TULP3: variants seen among roughly 807,000 people sequenced by gnomAD.
TULP3 encodes TUB like protein 3.
A neutral mutation model predicts 50.7 loss-of-function variants in TULP3; 38 were observed. That is an observed-to-expected ratio of 0.75 (90% CI 0.58 to 0.98). The LOEUF (loss-of-function observed/expected upper bound fraction) is 0.98. TULP3 is among the 50% of genes least tolerant of loss of function. TULP3 has a pLI of 0.00. For synonymous variants in TULP3, 183 were observed against 196.6 expected (o/e 0.93, Z 0.58); for missense variants, 550 against 568.0 (o/e 0.97, Z 0.32).
At position 2,940,691 on chromosome 12, in the gene TULP3, C is replaced by A; in HGVS notation, c.*1247C>A. On this transcript the variant is annotated 3_prime_UTR_variant, in exon 11 of 11. Transcript: ENST00000448120. ...TCTGTGGACTGACCTCTCACCTCCG[C>A]CTGTTGTTCCTGCACCACATCAGAT... 1.3e-6 allele frequency: 2 copies of A among 1,551,608 alleles called. No homozygotes were observed. Among genetic ancestry groups the A allele is most frequent in the South Asian group, 1.2e-5 (1 of 84,032 alleles).
intron 1 of TULP3, among the ~76,000 whole-genome samples, chr12:2,892,064 A>G (rs561626749): frequency 1.4e-5 from 2 of 146,094 alleles, no homozygotes; most frequent in African/African-American, 5.2e-5. Context: ...TGGGCAACGC[A>G]GTGACATCCT....
At chr12:2,896,237 G>C (rs1172090931) in intron 1 of TULP3, among the ~76,000 whole-genome samples, 1 of 152,230 alleles carries the variant, frequency 6.6e-6, no homozygotes, top group Non-Finnish European at 1.5e-5. Context: ...ACTGTGCCTG[G>C]CTGACAATGT....
chr12:2,927,865 ACCCCGCAG>A (rs1218728440), intron 4 of TULP3, among the ~76,000 whole-genome samples: 34 of 152,164 alleles, frequency 2.2e-4, no homozygotes, highest in African/African-American at 7.7e-4. Context: ...GGGTAACTTC[ACCCCGCAG>A]ATACTAGACA....
chr12:2,937,692 C>G lies in TULP3; in HGVS notation c.986C>G (p.Thr329Arg), dbSNP rs756066173. 7 of 1,612,694 alleles carry G rather than the reference C, an allele frequency of 4.3e-6. No individual in the cohort carries two copies. The South Asian group carries it at 7.7e-5, about 18-fold the overall frequency. The stretch of plus-strand genomic sequence containing the variant: ...ATGTCTGTGATCATTCCTGGAATGA[C>G]ACTGAATCATAAGCAGATCCCCTAT... ...RKMSVIIPGM[T>R]LNHKQIPYQP... The change falls in exon 9 of 11, where the codon ACA (threonine) becomes AGA (arginine). Residue 329 changes from threonine to arginine, a missense_variant. By Grantham distance (71) the Thr-to-Arg change is moderately conservative. Coordinates refer to ENST00000448120, the MANE Select transcript of TULP3 (RefSeq NM_003324.5).
At chr12:2,936,750 C>CA (rs1176861857) in intron 8 of TULP3, among the ~76,000 whole-genome samples, 21 of 144,442 alleles carry the variant, frequency 1.5e-4, no homozygotes, top group Admixed American at 2.1e-4. Flanking sequence ...ACTCTGGTCC[C>CA]AAAAAAAAAA....
chr12:2,939,819 C>T lies in TULP3; in HGVS notation c.*375C>T, dbSNP rs560554570. The stretch of plus-strand genomic sequence containing the variant: ...GAATATATAAAACACACACACACCC[C>T]GCGCACTCTCACTCCTTTTCCAGGT... On this transcript the variant is annotated 3_prime_UTR_variant, in exon 11 of 11. Coordinates refer to ENST00000448120, the MANE Select transcript of TULP3 (RefSeq NM_003324.5). The surrounding 1 kb of genome is among the most constrained non-coding windows in gnomAD (Gnocchi z 4.0). The T allele has an allele frequency of 4.0e-5, 48 of 1,191,828 alleles. No homozygotes were observed. Among genetic ancestry groups the T allele is most frequent in the Admixed American group, 7.1e-5 (2 of 28,318 alleles). 73.8% of individuals were successfully genotyped at this position (1,191,828 alleles called of 1,614,324 possible). A position where few individuals can be genotyped will look rare whatever the true frequency, so the allele number is the denominator to read the frequency against.
At chr12:2,920,159 G>A (rs1015316608) in intron 2 of TULP3, among the ~76,000 whole-genome samples, 7 of 152,048 alleles carry the variant, frequency 4.6e-5, no homozygotes, top group African/African-American at 1.7e-4. Context: ...TGAGCTTGTG[G>A]TCACATTTGA....
intron 1 of TULP3, among the ~76,000 whole-genome samples, chr12:2,901,292 TTTTC>T (rs1159630428): frequency 1.0e-4 from 15 of 143,298 alleles, no homozygotes; most frequent in South Asian, 4.3e-4. Context: ...TTGATTTTTT[TTTTC>T]TTTCTTTCTT....
chr12:2,920,066 AT>A (rs2098190782), intron 2 of TULP3, among the ~76,000 whole-genome samples: 1 of 151,902 alleles, frequency 6.6e-6, no homozygotes, highest in Admixed American at 6.6e-5. Flanking sequence ...AGAGAAAACA[AT>A]CATGCCATAG....
chr12:2,907,047 C>T (rs1448555724), intron 1 of TULP3, among the ~76,000 whole-genome samples: 1 of 151,566 alleles, frequency 6.6e-6, no homozygotes, highest in Non-Finnish European at 1.5e-5. Flanking sequence ...AAAATTTATA[C>T]TGATACACGG....
intron 1 of TULP3, among the ~76,000 whole-genome samples, chr12:2,893,693 C>A (rs2153947259): frequency 6.9e-6 from 1 of 145,562 alleles, no homozygotes; most frequent in Non-Finnish European, 1.5e-5. Context: ...GTAAGGATAA[C>A]AACCAACTTT....
At chr12:2,923,329 G>A (rs533834910) in intron 4 of TULP3, among the ~76,000 whole-genome samples, 1 of 151,940 alleles carries the variant, frequency 6.6e-6, no homozygotes, top group African/African-American at 2.4e-5. Flanking sequence ...ATAAATGAAC[G>A]TTTAAACAAA....
intron 2 of TULP3, among the ~76,000 whole-genome samples, chr12:2,919,051 C>T (rs922229741): frequency 2.6e-5 from 4 of 152,140 alleles, no homozygotes; most frequent in Non-Finnish European, 5.9e-5. Context: ...CGCCATGACG[C>T]AGGCCAATTT....
chr12:2,907,390 G>A (rs1007212500), intron 1 of TULP3, among the ~76,000 whole-genome samples: 5 of 151,164 alleles, frequency 3.3e-5, no homozygotes, highest in African/African-American at 1.2e-4. Context: ...CAGGAGAATC[G>A]CTTGAACCTG....
intron 2 of TULP3, among the ~76,000 whole-genome samples, chr12:2,915,754 C>T (rs2153949244): frequency 6.6e-6 from 1 of 152,030 alleles, no homozygotes; most frequent in Non-Finnish European, 1.5e-5. Context: ...CCATGTTGGC[C>T]AGGATGGTTT....
At chr12:2,905,357 T>C (rs1227785515) in intron 1 of TULP3, among the ~76,000 whole-genome samples, 1 of 151,678 alleles carries the variant, frequency 6.6e-6, no homozygotes, top group East Asian at 2.0e-4. Context: ...AGCTAATTTT[T>C]GTATTTTTAG....
intron 5 of TULP3, 102 bp from the exon 6 acceptor site, chr12:2,930,935 C>A: frequency 8.0e-7 from 1 of 1,250,648 alleles, no homozygotes; most frequent in Non-Finnish European, 1.2e-6. Flanking sequence ...AGACTGAAGA[C>A]ACGGGTAAAT....
chr12:2,918,280 A>G (rs2098189821), intron 2 of TULP3, among the ~76,000 whole-genome samples: 1 of 150,722 alleles, frequency 6.6e-6, no homozygotes, highest in Non-Finnish European at 1.5e-5. Flanking sequence ...CGCCTGGCTA[A>G]TTTTATTTTT....
chr12:2,930,406 C>A (rs2098197283), intron 5 of TULP3, 61 bp downstream of exon 5: 5 of 1,066,676 alleles, frequency 4.7e-6, no homozygotes, highest in Non-Finnish European at 6.8e-6. Context: ...AACATATCTT[C>A]AGTATTTATT....
Sources: gnomAD v4.1 joint callset for allele counts (sites outside exome capture counted in the v4.1 genomes callset) on GRCh38, gnomAD v4.1.1 for gene constraint, Gnocchi (gnomAD v3.1) non-coding constraint, MANE v1.5 for transcripts, NCBI Gene and HGNC (gene_info 2026-07-23, HGNC 2026-07-21) for gene names.